RAB10: variants seen among roughly 807,000 people sequenced by gnomAD.
RAB10 encodes ras-related protein Rab-10.
Under a neutral mutation model 25.7 loss-of-function variants are expected in RAB10, and 5 were observed. That is an observed-to-expected ratio of 0.19 (90% CI 0.10 to 0.41). The LOEUF (loss-of-function observed/expected upper bound fraction) is 0.41, where lower values mean the gene tolerates loss of function less well. Ranked by LOEUF, RAB10 falls within the 10% of genes least tolerant of loss-of-function variation. The pLI is 1.00. For missense variants in RAB10, 103 were observed against 245.8 expected, an observed-to-expected ratio of 0.42 and a Z score of 3.89; for synonymous variants, 89 against 86.4, an observed-to-expected ratio of 1.03 and a Z score of -0.16.
At chr2:26,046,930 C>G (rs1306852958) in intron 1 of RAB10, among the ~76,000 whole-genome samples, 2 of 152,116 alleles carry the variant, frequency 1.3e-5, no homozygotes, top group Non-Finnish European at 2.9e-5. Context: ...ATTGTAATTT[C>G]TCATGCAGTT....
intron 2 of RAB10, among the ~76,000 whole-genome samples, chr2:26,107,567 G>A (rs971297181): frequency 5.3e-5 from 8 of 151,918 alleles, no homozygotes; most frequent in East Asian, 3.9e-4. Context: ...AGGCTGAGGC[G>A]GGCTGATCAC....
rs57174956 is a variant in RAB10 at position 26,098,109 on chromosome 2, CTTTTTTTTTTTTTTTTTT to C, written c.128-542_128-525del. ...CTTCTTTTTCTTTCTTTCTTTCTTT[CTTTTTTTTTTTTTTTTTT>C]TTTTTTTTTTGAGACATGGTCTTGT... On this transcript the variant is annotated intron_variant, in intron 1 of 5. Transcript: ENST00000264710. Among the ~76,000 whole-genome samples the C allele has an allele frequency of 9.9e-3, 525 of 52,776 alleles. 12 individuals carry two copies. The South Asian group carries it at 0.15, about 15-fold the overall frequency. The allele number at this position is 52,776 out of a possible 152,430, so 34.6% of individuals were successfully genotyped here. A position where few individuals can be genotyped will look rare whatever the true frequency, so the allele number is the denominator to read the frequency against.
intron 1 of RAB10, among the ~76,000 whole-genome samples, chr2:26,048,371 G>C (rs1666060555): frequency 6.6e-6 from 1 of 152,116 alleles, no homozygotes; most frequent in Admixed American, 6.6e-5. Context: ...ACCAGCATTT[G>C]ATAATGTTAT....
chr2:26,135,218 G>A lies in RAB10; in HGVS notation c.*197G>A. 2.0e-6 allele frequency: 1 copy of A among 495,682 alleles called. No homozygotes were observed. The highest frequency in any genetic ancestry group is 3.6e-6 in the Non-Finnish European group (1 of 281,474). The allele number at this position is 495,682 out of a possible 1,614,324, so 30.7% of individuals were successfully genotyped here. ...CATAATTTTCTTCAAACAAAAAAATGTATAGAAAAATCATGTCTGTGAGTT... is the reference window on the plus strand; with the variant it reads ...CATAATTTTCTTCAAACAAAAAAATATATAGAAAAATCATGTCTGTGAGTT... On this transcript the variant is annotated 3_prime_UTR_variant, in exon 6 of 6. Transcript: ENST00000264710.
chr2:26,127,492 T>C (rs1306200771), intron 4 of RAB10, among the ~76,000 whole-genome samples: 6 of 152,212 alleles, frequency 3.9e-5, no homozygotes, highest in African/African-American at 1.4e-4. Flanking sequence ...TCATTAATCC[T>C]CGGTTTTTAA....
At chr2:26,071,688 C>CAAAAAAA (rs70950164) in intron 1 of RAB10, among the ~76,000 whole-genome samples, 1 of 144,604 alleles carries the variant, frequency 6.9e-6, no homozygotes. Flanking sequence ...GACTTCATCT[C>CAAAAAAA]AAAAAAAAAA....
At chr2:26,085,086 C>T (rs1666947902) in intron 1 of RAB10, among the ~76,000 whole-genome samples, 1 of 152,114 alleles carries the variant, frequency 6.6e-6, no homozygotes, top group Non-Finnish European at 1.5e-5. Context: ...CATCTCAACC[C>T]ATTTCAGAAA....
At chr2:26,091,709 T>G (rs951413139) in intron 1 of RAB10, among the ~76,000 whole-genome samples, 2 of 152,206 alleles carry the variant, frequency 1.3e-5, no homozygotes, top group East Asian at 3.9e-4. Flanking sequence ...TTTAAAGCCA[T>G]GAAACTAGGG....
intron 5 of RAB10, among the ~76,000 whole-genome samples, chr2:26,131,886 T>C (rs1202310208): frequency 6.6e-6 from 1 of 152,276 alleles, no homozygotes; most frequent in Admixed American, 6.5e-5. Flanking sequence ...GTTTATATCA[T>C]AATTGAACAA....
intron 1 of RAB10, among the ~76,000 whole-genome samples, chr2:26,093,009 A>G (rs753141366): frequency 6.6e-6 from 1 of 152,208 alleles, no homozygotes; most frequent in Admixed American, 6.5e-5. Context: ...GAGGGGAGCA[A>G]TAAGGTAAAC....
intron 1 of RAB10, among the ~76,000 whole-genome samples, chr2:26,068,483 A>C (rs1291498784): frequency 6.6e-6 from 1 of 152,204 alleles, no homozygotes; most frequent in Non-Finnish European, 1.5e-5. Context: ...ATACTATTTA[A>C]TCTTTAAGGA....
chr2:26,115,942 C>T (rs1574559191), intron 3 of RAB10, among the ~76,000 whole-genome samples: 2 of 149,350 alleles, frequency 1.3e-5, no homozygotes, highest in Admixed American at 6.7e-5. Context: ...TCACTGCAGT[C>T]TCCGCCTCCC....
At chr2:26,061,735 C>T (rs1036488512) in intron 1 of RAB10, among the ~76,000 whole-genome samples, 4 of 151,880 alleles carry the variant, frequency 2.6e-5, no homozygotes, top group African/African-American at 9.7e-5. Context: ...CATCTCTCTT[C>T]ACTTCATATC....
At chr2:26,119,269 G>A (rs1667755285) in intron 3 of RAB10, among the ~76,000 whole-genome samples, 1 of 152,036 alleles carries the variant, frequency 6.6e-6, no homozygotes, top group African/African-American at 2.4e-5. Flanking sequence ...TTTAAAGTCG[G>A]ATATGGCGGT....
chr2:26,135,188 T>C lies in RAB10; in HGVS notation c.*167T>C. 3 of 521,574 alleles carry C rather than the reference T, an allele frequency of 5.8e-6. No individual in the cohort carries two copies. Among genetic ancestry groups the C allele is most frequent in the Non-Finnish European group, 9.9e-6 (3 of 302,978 alleles). The allele number at this position is 521,574 out of a possible 1,614,324, so 32.3% of individuals were successfully genotyped here. Reference sequence around the variant, plus strand: ...CTTTCATCTGTGACTGCTTGCTGACTTTATCATAATTTTCTTCAAACAAAA... The same window carrying C: ...CTTTCATCTGTGACTGCTTGCTGACCTTATCATAATTTTCTTCAAACAAAA... On this transcript the variant is annotated 3_prime_UTR_variant, in exon 6 of 6. Coordinates refer to ENST00000264710, the MANE Select transcript of RAB10 (RefSeq NM_016131.5).
chr2:26,131,340 T>G (rs149569597), intron 5 of RAB10, among the ~76,000 whole-genome samples: 2 of 152,188 alleles, frequency 1.3e-5, no homozygotes, highest in African/African-American at 4.8e-5. Flanking sequence ...TTTGTTGTAT[T>G]GGGCTGTGTG....
At chr2:26,061,610 C>T (rs1374114213) in intron 1 of RAB10, among the ~76,000 whole-genome samples, 3 of 151,994 alleles carry the variant, frequency 2.0e-5, no homozygotes, top group South Asian at 2.1e-4. Flanking sequence ...AGGCTGGTCT[C>T]GAACTCCTAC....
intron 1 of RAB10, among the ~76,000 whole-genome samples, chr2:26,095,155 G>A (rs1055491149): frequency 9.2e-5 from 14 of 152,024 alleles, no homozygotes; most frequent in African/African-American, 2.4e-4. Context: ...CCTTATGATC[G>A]CCCTTTGCCA....
chr2:26,107,527 G>A (rs1667489899), intron 2 of RAB10, among the ~76,000 whole-genome samples: 1 of 152,108 alleles, frequency 6.6e-6, no homozygotes, highest in Admixed American at 6.5e-5. Context: ...CAGCCACGGT[G>A]GCTCACGCCT....
Sources: allele counts gnomAD v4.1 joint callset (sites outside exome capture counted in the v4.1 genomes callset), GRCh38; gene constraint gnomAD v4.1.1; transcripts MANE v1.5; gene names NCBI Gene and HGNC (gene_info 2026-07-23, HGNC 2026-07-21).